Variants in AATF observed in about 807,000 individuals in gnomAD.
The protein encoded by AATF is protein AATF.
AATF carries 48 observed loss-of-function variants against 63.7 expected under a neutral mutation model. The ratio of observed to expected loss-of-function variants is 0.75; its 90% confidence interval spans 0.60 to 0.96. AATF has a LOEUF of 0.96. AATF is among the 40% of genes least tolerant of loss of function. AATF has a pLI of 0.00. For synonymous variants in AATF, 258 were observed against 247.7 expected (o/e 1.04, Z -0.39); for missense variants, 639 against 685.7 (o/e 0.93, Z 0.76).
At chr17:36,970,095 G>A (rs374877126) in intron 4 of AATF, among the ~76,000 whole-genome samples, 1 of 152,154 alleles carries the variant, frequency 6.6e-6, no homozygotes, top group African/African-American at 2.4e-5. Flanking sequence ...TTGTATAGAT[G>A]TTTTTATATG....
intron 8 of AATF, among the ~76,000 whole-genome samples, chr17:37,009,292 C>T (rs1320546127): frequency 6.9e-5 from 10 of 144,272 alleles, no homozygotes; most frequent in Admixed American, 2.7e-4. Flanking sequence ...CCACCATGCC[C>T]GGCTAATTTT....
Position 36,990,796 on chromosome 17 carries a change from C to G in AATF, c.1337C>G (p.Ala446Gly). 6.3e-7 allele frequency: 1 copy of G among 1,593,760 alleles called. No individual in the cohort carries two copies. Among genetic ancestry groups the G allele is most frequent in the Non-Finnish European group, 8.5e-7 (1 of 1,172,972 alleles). The change falls in exon 8 of 12, where the codon GCT (alanine) becomes GGT (glycine). Residue 446 changes from alanine to glycine, a missense_variant. Transcript: ENST00000619387. ...GEPEILPQAP[A>G]NAHLKDLDEE... ...TAGGAGATCCTTCCTCAAGCCCCTG[C>G]TAATGCTCATCTGAAGGACTTGGAT...
chr17:36,967,939 C>T (rs1168281701), intron 4 of AATF, among the ~76,000 whole-genome samples: 3 of 150,454 alleles, frequency 2.0e-5, no homozygotes, highest in Non-Finnish European at 4.4e-5. Flanking sequence ...TAATGATGCA[C>T]CGTAGCGTAG....
chr17:37,048,543 G>A (rs1327459857), intron 11 of AATF, among the ~76,000 whole-genome samples: 1 of 151,632 alleles, frequency 6.6e-6, no homozygotes, highest in Non-Finnish European at 1.5e-5. Flanking sequence ...GCTATTTTTT[G>A]TATTTTTAGT....
chr17:36,982,397 A>G (rs1236958929), intron 4 of AATF, among the ~76,000 whole-genome samples: 2 of 151,972 alleles, frequency 1.3e-5, no homozygotes, highest in Non-Finnish European at 2.9e-5. Flanking sequence ...TCTGTTGCCC[A>G]GGCTGGAGTA....
chr17:37,017,556 T>C (rs1019401201), intron 8 of AATF, among the ~76,000 whole-genome samples: 7 of 152,136 alleles, frequency 4.6e-5, no homozygotes, highest in African/African-American at 1.2e-4. Flanking sequence ...AACTGATAGA[T>C]TGGCTGCCAG....
At chr17:37,037,010 GTT>G (rs374106722) in intron 11 of AATF, among the ~76,000 whole-genome samples, 9 of 133,454 alleles carry the variant, frequency 6.7e-5, no homozygotes, top group South Asian at 2.4e-4. Flanking sequence ...TCATCTTTTT[GTT>G]TTTTTTTTTT....
At chr17:36,961,035 GCA>G (rs148947304) in intron 4 of AATF, among the ~76,000 whole-genome samples, 29 of 151,292 alleles carry the variant, frequency 1.9e-4, no homozygotes, top group African/African-American at 2.7e-4. Flanking sequence ...CTTTTCGCGT[GCA>G]CACACACACA....
chr17:36,964,174 T>G (rs1161135985), intron 4 of AATF, among the ~76,000 whole-genome samples: 1 of 148,732 alleles, frequency 6.7e-6, no homozygotes, highest in African/African-American at 2.5e-5. Flanking sequence ...GTTTTGCTTT[T>G]TTTTTTTTTT....
chr17:37,001,403 GGGA>G, intron 8 of AATF, among the ~76,000 whole-genome samples: 1 of 83,438 alleles, frequency 1.2e-5, no homozygotes, highest in East Asian at 2.6e-4. Flanking sequence ...GGAGGAGGGA[GGGA>G]GGAAGGAAGG....
intron 4 of AATF, among the ~76,000 whole-genome samples, chr17:36,959,806 A>C (rs560664928): frequency 5.3e-5 from 8 of 152,326 alleles, no homozygotes; most frequent in Non-Finnish European, 1.0e-4. Context: ...ATTTCCCGTA[A>C]GCAAAACATC....
chr17:36,983,386 C>T (rs537706109), intron 4 of AATF, among the ~76,000 whole-genome samples: 284 of 151,806 alleles, frequency 1.9e-3, no homozygotes, highest in Middle Eastern at 6.9e-3. Flanking sequence ...CTCACTCTGT[C>T]GCCCAGACTG....
At position 36,988,558 on chromosome 17, in the gene AATF, G is replaced by A; in HGVS notation, c.987G>A (p.Glu329=). The change falls in exon 6 of 12, where the codon GAG becomes GAA. Residue 329 remains glutamate (E), a synonymous_variant. Coordinates refer to ENST00000619387, the MANE Select transcript of AATF (RefSeq NM_012138.4). The part of the protein sequence containing the change: ...ISSEDDELVE[E]KKQQRRRVPA... ...GTGAAGATGATGAGCTGGTAGAAGA[G>A]AAGAAGCAGCAACGAAGAAGGGTCC... is the stretch of plus-strand genomic sequence containing the variant. The A allele has an allele frequency of 6.2e-7, 1 of 1,614,132 alleles. No homozygotes were observed. The highest frequency in any genetic ancestry group is 8.5e-7 in the Non-Finnish European group (1 of 1,180,026).
chr17:36,957,384 G>A (rs1405324010), intron 4 of AATF, among the ~76,000 whole-genome samples: 4 of 152,184 alleles, frequency 2.6e-5, no homozygotes, highest in African/African-American at 4.8e-5. Context: ...GGCAGTGTTC[G>A]ACCATGTGAG....
chr17:36,953,176 G>A lies in AATF; in HGVS notation c.574G>A (p.Glu192Lys), dbSNP rs749570271. Residue 192 changes from glutamate (E) to lysine (K), a missense_variant, in exon 3 of 12, where the codon GAG becomes AAG. Transcript: ENST00000619387. Reference sequence around the variant, plus strand: ...GGATGACGCGGAAGACTCCCAAGGCGAGAGTGAGGAAGACAGGGCTGGAGA... The same window carrying A: ...GGATGACGCGGAAGACTCCCAAGGCAAGAGTGAGGAAGACAGGGCTGGAGA... The part of the protein sequence containing the change: ...EGDDAEDSQG[E>K]SEEDRAGDRN... The A allele has an allele frequency of 1.1e-5, 17 of 1,614,076 alleles. No homozygotes were observed. The East Asian group carries it at 2.0e-4, about 19-fold the overall frequency.
At chr17:37,043,385 A>AAATATTC (rs2071660439) in intron 11 of AATF, 1 of 152,036 alleles carries the variant, frequency 6.6e-6, no homozygotes, top group African/African-American at 2.4e-5. Flanking sequence ...TTTCCTGTTG[A>AAATATTC]AATATTCAGT....
chr17:37,048,317 A>T (rs1252553454), intron 11 of AATF, among the ~76,000 whole-genome samples: 3 of 139,212 alleles, frequency 2.2e-5, no homozygotes, highest in African/African-American at 8.1e-5. Context: ...TACTTGGATT[A>T]CTTTCCCAGC....
intron 10 of AATF, 86 bp from the exon 11 acceptor site, chr17:37,031,528 T>C: frequency 9.1e-7 from 1 of 1,093,762 alleles, no homozygotes; most frequent in South Asian, 1.2e-5. Flanking sequence ...TGATCAGTTC[T>C]GGAGTTTGTT....
At chr17:36,992,694 A>T (rs1293996346) in intron 8 of AATF, among the ~76,000 whole-genome samples, 1 of 151,664 alleles carries the variant, frequency 6.6e-6, no homozygotes, top group Non-Finnish European at 1.5e-5. Context: ...CCAATTAATA[A>T]TTTTAACTTC....
Sources: gnomAD v4.1 joint callset for allele counts (sites outside exome capture counted in the v4.1 genomes callset) on GRCh38, gnomAD v4.1.1 for gene constraint, MANE v1.5 for transcripts, NCBI Gene and HGNC (gene_info 2026-07-23, HGNC 2026-07-21) for gene names.